Variants in COMT observed in about 807,000 individuals in gnomAD.
COMT encodes catechol O-methyltransferase.
COMT carries 13 observed loss-of-function variants against 18.9 expected under a neutral mutation model. That is an observed-to-expected ratio of 0.69 (90% confidence interval 0.45 to 1.09). COMT has a LOEUF of 1.09. Among genes scored for constraint, COMT ranks in the 50% least tolerant of loss-of-function variants. The pLI, the probability that COMT is intolerant of heterozygous loss-of-function variation, is 0.00. For synonymous variants in COMT, 150 were observed against 160.9 expected, an observed-to-expected ratio of 0.93 and a Z score of 0.51; for missense variants, 329 against 361.8, an observed-to-expected ratio of 0.91 and a Z score of 0.73.
intron 5 of COMT, chr22:19,964,669 C>G (rs1942295842): frequency 3.5e-6 from 2 of 578,532 alleles, no homozygotes; most frequent in East Asian, 2.9e-5. Context: ...CTGCTCTCCC[C>G]CAAGCAAGCC....
intron 5 of COMT, among the ~76,000 whole-genome samples, chr22:19,966,307 C>CG (rs1442881816): frequency 2.0e-5 from 3 of 151,840 alleles, no homozygotes; most frequent in Non-Finnish European, 4.4e-5. Flanking sequence ...ATCGGAGGCA[C>CG]GAGGGGTGAG....
intron 4 of COMT, 116 bp downstream of exon 4, chr22:19,963,875 TATC>T: frequency 7.5e-7 from 1 of 1,339,242 alleles, no homozygotes; most frequent in Non-Finnish European, 1.0e-6. Context: ...GAAAACCCAC[TATC>T]ACCAGGCCCC....
chr22:19,960,511 CTTG>C (rs1423980273), intron 1 of COMT, among the ~76,000 whole-genome samples: 1 of 152,220 alleles, frequency 6.6e-6, no homozygotes, highest in African/African-American at 2.4e-5. Flanking sequence ...AGCACCATCT[CTTG>C]TTTTTTCCCC....
intron 5 of COMT, chr22:19,966,860 G>T: frequency 1.2e-6 from 1 of 844,720 alleles, no homozygotes; most frequent in Non-Finnish European, 1.4e-6. Context: ...AGGGAGGAGA[G>T]TCTAAGGAGG....
intron 1 of COMT, among the ~76,000 whole-genome samples, chr22:19,958,198 T>C (rs1420944849): frequency 6.7e-6 from 1 of 149,592 alleles, no homozygotes; most frequent in Non-Finnish European, 1.5e-5. Context: ...GGGGTCTTGC[T>C]CTGTTGCCCA....
chr22:19,947,450 A>G (rs888666825), intron 1 of COMT, among the ~76,000 whole-genome samples: 1 of 152,174 alleles, frequency 6.6e-6, no homozygotes, highest in Non-Finnish European at 1.5e-5. Context: ...GATACAAGAC[A>G]AGGGGGCAGG....
intron 1 of COMT, among the ~76,000 whole-genome samples, chr22:19,951,318 C>T (rs925361817): frequency 7.3e-6 from 1 of 137,760 alleles, no homozygotes; most frequent in African/African-American, 2.7e-5. Context: ...GAGATTATGC[C>T]ACTGCACTCC....
intron 1 of COMT, among the ~76,000 whole-genome samples, chr22:19,958,848 C>T (rs1169858805): frequency 3.3e-5 from 5 of 151,914 alleles, no homozygotes; most frequent in East Asian, 1.9e-4. Context: ...GCTGCGACCG[C>T]GCCACTGCAC....
intron 5 of COMT, among the ~76,000 whole-genome samples, chr22:19,966,784 G>A (rs12158230): frequency 0.019 from 2,812 of 151,972 alleles, 92 homozygotes; most frequent in African/African-American, 0.063. Flanking sequence ...TCGCTCTGTC[G>A]CCCAGGCTGG....
At chr22:19,944,822 AAAAACAAAAC>A (rs372008105) in intron 1 of COMT, among the ~76,000 whole-genome samples, 16 of 152,190 alleles carry the variant, frequency 1.1e-4, no homozygotes, top group East Asian at 7.7e-4. Flanking sequence ...ACTGCGTCTC[AAAAACAAAAC>A]AAAACAAAAC....
intron 5 of COMT, chr22:19,964,908 C>G (rs1386959115): frequency 5.6e-5 from 12 of 212,786 alleles, no homozygotes; most frequent in Admixed American, 2.1e-4. Flanking sequence ...CCATCCCTCC[C>G]TGGTGGTCAG....
intron 5 of COMT, among the ~76,000 whole-genome samples, chr22:19,966,129 CAAAA>C (rs2146181913): frequency 6.6e-6 from 1 of 152,296 alleles, no homozygotes; most frequent in South Asian, 2.1e-4. Context: ...GTAATTATCT[CAAAA>C]GAAGCAAAGT....
intron 1 of COMT, among the ~76,000 whole-genome samples, chr22:19,955,933 C>A (rs964982079): frequency 6.6e-6 from 1 of 152,110 alleles, no homozygotes; most frequent in African/African-American, 2.4e-5. Flanking sequence ...GTCTTTCTCT[C>A]CGTGGCCCCT....
chr22:19,962,949 G>A (rs1231223433), intron 3 of COMT, 134 bp downstream of exon 3: 2 of 1,192,066 alleles, frequency 1.7e-6, no homozygotes, highest in Non-Finnish European at 2.3e-6. Flanking sequence ...AGATAGGGCT[G>A]GGGGGCTCCT....
At chr22:19,949,604 T>C (rs954782833) in intron 1 of COMT, among the ~76,000 whole-genome samples, 2 of 151,040 alleles carry the variant, frequency 1.3e-5, no homozygotes, top group African/African-American at 2.4e-5. Flanking sequence ...TAACCGGTAT[T>C]TTTTTTTTAA....
chr22:19,943,080 CTA>C (rs918438570), intron 1 of COMT, among the ~76,000 whole-genome samples: 13 of 152,116 alleles, frequency 8.5e-5, no homozygotes, highest in African/African-American at 3.1e-4. Flanking sequence ...CTGTTAGGAG[CTA>C]TGTTAGTGTT....
At chr22:19,953,784 T>C (rs1315205360) in intron 1 of COMT, among the ~76,000 whole-genome samples, 1 of 152,132 alleles carries the variant, frequency 6.6e-6, no homozygotes, top group Non-Finnish European at 1.5e-5. Flanking sequence ...CAAGCCAGCC[T>C]CCACTCTTGC....
intron 5 of COMT, 181 bp downstream of exon 5, chr22:19,964,480 T>A: frequency 6.4e-6 from 6 of 930,918 alleles, no homozygotes; most frequent in Non-Finnish European, 1.0e-5. Flanking sequence ...TGGGTGGAGA[T>A]GGGTGGGGAG....
chr22:19,955,266 G>A (rs551012440), intron 1 of COMT, among the ~76,000 whole-genome samples: 12 of 152,172 alleles, frequency 7.9e-5, no homozygotes, highest in African/African-American at 2.4e-4. Flanking sequence ...AGAGATGAGC[G>A]CGGGGCCTGG....
Sources: allele counts gnomAD v4.1 joint callset (sites outside exome capture counted in the v4.1 genomes callset), GRCh38; gene constraint gnomAD v4.1.1; transcripts MANE v1.5; gene names NCBI Gene and HGNC (gene_info 2026-07-23, HGNC 2026-07-21).